TTLL6: variants seen among roughly 807,000 people sequenced by gnomAD.
The protein encoded by TTLL6 is tubulin polyglutamylase TTLL6.
TTLL6 carries 75 observed loss-of-function variants against 96.4 expected under a neutral mutation model. The observed-to-expected ratio is 0.78, with a 90% CI of 0.65 to 0.94. The LOEUF (loss-of-function observed/expected upper bound fraction) is 0.94, where lower values mean the gene tolerates loss of function less well. TTLL6 is among the 40% of genes least tolerant of loss of function. The pLI, the probability that TTLL6 is intolerant of heterozygous loss-of-function variation, is 0.00. For missense variants in TTLL6, 1,030 were observed against 1,093.0 expected (o/e 0.94, Z 0.81); for synonymous variants, 411 against 419.4 (o/e 0.98, Z 0.24).
At chr17:48,765,792 T>C (rs1004546768) in intron 15 of TTLL6, 1 of 152,822 alleles carries the variant, frequency 6.5e-6, no homozygotes, top group Non-Finnish European at 1.5e-5. Context: ...CAAGCAATCC[T>C]TCTGCCTCAG....
At position 48,769,033 on chromosome 17, in the gene TTLL6, T is replaced by C. The variant is rs755806386; in HGVS notation, c.2632A>G (p.Ser878Gly). ...DPCMQDQEAY[S>G]HCLISGQKGC... The stretch of plus-strand genomic sequence containing the variant: ...TTTTGGCCAGAGATCAGGCAATGGC[T>C]GTATGCTTCTTGATCCTGCATACAT... The change falls in exon 15 of 16, where the codon AGC (serine) becomes GGC (glycine). Residue 878 changes from serine (S) to glycine (G), a missense_variant. Physicochemically the swap from Ser to Gly is moderately conservative, Grantham distance 56. Transcript: ENST00000393382. 1 of 1,614,232 alleles carries C rather than the reference T, an allele frequency of 6.2e-7. No homozygotes were observed. Among genetic ancestry groups the C allele is most frequent in the South Asian group, 1.1e-5 (1 of 91,086 alleles).
At chr17:48,772,334 AATAG>A (rs2038764293) in intron 13 of TTLL6, among the ~76,000 whole-genome samples, 2 of 152,240 alleles carry the variant, frequency 1.3e-5, no homozygotes, top group South Asian at 4.1e-4. Context: ...AAATTAAAAT[AATAG>A]ATAAATAAAA....
At chr17:48,814,381 T>C (rs1208626407) in intron 1 of TTLL6, among the ~76,000 whole-genome samples, 2 of 126,370 alleles carry the variant, frequency 1.6e-5, no homozygotes, top group South Asian at 2.6e-4. Context: ...ACACAGTAAA[T>C]AGCAAAATAG....
At chr17:48,782,418 G>A (rs1466082623) in intron 13 of TTLL6, among the ~76,000 whole-genome samples, 1 of 152,168 alleles carries the variant, frequency 6.6e-6, no homozygotes, top group Non-Finnish European at 1.5e-5. Context: ...GCCTCCCAAA[G>A]TGCTGGGATT....
rs1389128610 is a variant in TTLL6 at position 48,801,594 on chromosome 17, A to G, written c.411T>C (p.Asp137=). The G allele has an allele frequency of 1.9e-6, 3 of 1,551,674 alleles. No homozygotes were observed. The highest frequency in any genetic ancestry group is 2.0e-5 in the Admixed American group (1 of 50,958). The change falls in exon 4 of 16, where the codon GAT becomes GAC. Residue 137 remains aspartate, a synonymous_variant. Coordinates refer to ENST00000393382, the MANE Select transcript of TTLL6 (RefSeq NM_001130918.3). ...AATCTGTCCAATAGAGAGTCCAGTC[A>G]TCGTCTTCCCCTCCCTCTCTAAAGC... The part of the protein sequence containing the change: ...QYGFREGGED[D]DWTLYWTDYS...
intron 1 of TTLL6, chr17:48,812,073 C>CA (rs200174244): frequency 1.3e-4 from 13 of 99,512 alleles, no homozygotes; most frequent in African/African-American, 2.9e-4. Flanking sequence ...GACCCCCCCC[C>CA]CCACCCCCCG....
chr17:48,774,866 C>T (rs536193175), intron 13 of TTLL6, among the ~76,000 whole-genome samples: 12 of 152,124 alleles, frequency 7.9e-5, no homozygotes, highest in Non-Finnish European at 1.6e-4. Flanking sequence ...GGCACCATGG[C>T]TCATGCCTAC....
intron 8 of TTLL6, among the ~76,000 whole-genome samples, chr17:48,793,423 G>A (rs1011840770): frequency 2.6e-5 from 4 of 152,120 alleles, no homozygotes; most frequent in African/African-American, 9.6e-5. Context: ...TTGACCATGA[G>A]GGTTGTAAAA....
At chr17:48,794,398 G>A in intron 8 of TTLL6, 1 of 1,476,188 alleles carries the variant, frequency 6.8e-7, no homozygotes, top group Non-Finnish European at 9.0e-7. Flanking sequence ...CAGAGACCCT[G>A]TGAGGTGGCA....
chr17:48,795,066 G>A (rs1438397373), intron 8 of TTLL6, among the ~76,000 whole-genome samples: 2 of 152,124 alleles, frequency 1.3e-5, no homozygotes, highest in South Asian at 2.1e-4. Flanking sequence ...GGTGGCTCAC[G>A]CCTGTAATCC....
chr17:48,765,329 T>G (rs1251957411), intron 15 of TTLL6, among the ~76,000 whole-genome samples: 1 of 152,072 alleles, frequency 6.6e-6, no homozygotes, highest in Non-Finnish European at 1.5e-5. Flanking sequence ...GGAGGATCGT[T>G]TGAGCCCTGG....
chr17:48,775,197 C>T (rs915136594), intron 13 of TTLL6, among the ~76,000 whole-genome samples: 4 of 151,412 alleles, frequency 2.6e-5, no homozygotes, highest in African/African-American at 7.3e-5. Flanking sequence ...GGAATACTTC[C>T]TACTTCCCAA....
At chr17:48,766,338 T>A (rs1205123117) in intron 15 of TTLL6, among the ~76,000 whole-genome samples, 1 of 152,166 alleles carries the variant, frequency 6.6e-6, no homozygotes. Context: ...CTAGAGACTC[T>A]CTAGTATGAT....
At chr17:48,775,523 T>TTA (rs914896221) in intron 13 of TTLL6, among the ~76,000 whole-genome samples, 2 of 136,124 alleles carry the variant, frequency 1.5e-5, no homozygotes, top group African/African-American at 3.0e-5. Flanking sequence ...CATCCATCTA[T>TTA]TATTATTATT....
At chr17:48,812,068 C>CT (rs902240070) in intron 1 of TTLL6, 1 of 99,864 alleles carries the variant, frequency 1.0e-5, no homozygotes, top group Non-Finnish European at 2.2e-5. Context: ...GCTGGGACCC[C>CT]CCCCCCCACC....
chr17:48,767,448 C>A (rs907917754), intron 15 of TTLL6, among the ~76,000 whole-genome samples: 1 of 150,856 alleles, frequency 6.6e-6, no homozygotes, highest in East Asian at 2.2e-4. Flanking sequence ...GGCTCTCCAC[C>A]CAGGACCACT....
At chr17:48,771,423 G>A (rs137993050) in intron 13 of TTLL6, among the ~76,000 whole-genome samples, 1 of 152,226 alleles carries the variant, frequency 6.6e-6, no homozygotes, top group African/African-American at 2.4e-5. Context: ...TAGGCCAGGA[G>A]TTTGAGACCA....
In TTLL6 at chr17:48,802,126, GAAA is replaced by G. The variant is rs1567733691; in HGVS notation, c.362-486_362-484del. 2.5e-3 allele frequency among the ~76,000 whole-genome samples: 285 copies of G among 112,796 alleles called. 3 individuals carry two copies. Among genetic ancestry groups the G allele is most frequent in the African/African-American group, 7.4e-3 (268 of 36,108 alleles). 74.0% of individuals were successfully genotyped at this position (112,796 alleles called of 152,430 possible). On this transcript the variant is annotated intron_variant, in intron 3 of 15. Coordinates refer to ENST00000393382, the MANE Select transcript of TTLL6 (RefSeq NM_001130918.3). ...AGAAAGAAAGAAAGAAAGAAAGAAA[GAAA>G]GAAAGAAAGAAAGAAAGAAAGAAAA...
chr17:48,774,108 A>AAAAAAAAAAC (rs2038814796), intron 13 of TTLL6, among the ~76,000 whole-genome samples: 2 of 130,490 alleles, frequency 1.5e-5, no homozygotes, highest in African/African-American at 2.9e-5. Flanking sequence ...AAAAAAAAAA[A>AAAAAAAAAAC]AAAACAAGAA....
Sources: allele counts gnomAD v4.1 joint callset (sites outside exome capture counted in the v4.1 genomes callset), GRCh38; gene constraint gnomAD v4.1.1; transcripts MANE v1.5; gene names NCBI Gene and HGNC (gene_info 2026-07-23, HGNC 2026-07-21).